The following GLIS3 variants were observed in gnomAD, a reference collection of about 807,000 sequenced individuals.
GLIS3 encodes the protein zinc finger protein GLIS3.
Under a neutral mutation model 78.6 loss-of-function variants are expected in GLIS3, and 53 were observed. The ratio of observed to expected loss-of-function variants is 0.67; its 90% CI spans 0.54 to 0.85. GLIS3 has a LOEUF of 0.85. Ranked by LOEUF, GLIS3 falls within the 40% of genes least tolerant of loss-of-function variation. The pLI, the probability that GLIS3 is intolerant of heterozygous loss-of-function variation, is 0.00. For synonymous variants in GLIS3, 684 were observed against 509.9 expected, an observed-to-expected ratio of 1.34 and a Z score of -4.60; for missense variants, 1,703 against 1,231.1, an observed-to-expected ratio of 1.38 and a Z score of -5.74.
chr9:3,979,991 G>A (rs1819122763), intron 4 of GLIS3, among the ~76,000 whole-genome samples: 1 of 152,090 alleles, frequency 6.6e-6, no homozygotes, highest in African/African-American at 2.4e-5. Context: ...AAGAGAGGGT[G>A]GGGTGGACTT....
chr9:4,204,456 G>T (rs1167121692), intron 2 of GLIS3, among the ~76,000 whole-genome samples: 2 of 152,124 alleles, frequency 1.3e-5, no homozygotes, highest in Non-Finnish European at 2.9e-5. Flanking sequence ...AAAAAAGCAA[G>T]GGGAGGAAGA....
chr9:3,990,664 C>T (rs147179743), intron 4 of GLIS3, among the ~76,000 whole-genome samples: 476 of 152,210 alleles, frequency 3.1e-3, no homozygotes, highest in South Asian at 9.7e-3. Context: ...TTGCCTTCTA[C>T]TATACAGAAG....
chr9:4,333,348 GGGAA>G (rs1432059136), intron 2 of GLIS3, among the ~76,000 whole-genome samples: 3 of 151,348 alleles, frequency 2.0e-5, no homozygotes, highest in Non-Finnish European at 2.9e-5. Flanking sequence ...AAAGAAAAAA[GGGAA>G]GGAAGGAAGG....
chr9:4,410,595 A>T, the GLIS3 span, among the ~76,000 whole-genome samples: 1 of 152,248 alleles, frequency 6.6e-6, no homozygotes, highest in South Asian at 2.1e-4. Flanking sequence ...GCTTTGATCC[A>T]GCACAAAGTT....
intron 4 of GLIS3, among the ~76,000 whole-genome samples, chr9:4,040,976 C>T (rs1391240228): frequency 6.6e-6 from 1 of 152,134 alleles, no homozygotes; most frequent in Admixed American, 6.5e-5. Flanking sequence ...ATTTCTTTCT[C>T]AACATTCTAA....
intron 2 of GLIS3, among the ~76,000 whole-genome samples, chr9:4,235,983 T>C (rs1822697982): frequency 1.3e-5 from 2 of 152,040 alleles, no homozygotes; most frequent in Admixed American, 6.5e-5. Flanking sequence ...ATTCTGAGTA[T>C]GGCTCAAGCT....
At chr9:4,112,690 TA>T in intron 4 of GLIS3, among the ~76,000 whole-genome samples, 1 of 152,236 alleles carries the variant, frequency 6.6e-6, no homozygotes, top group Admixed American at 6.5e-5. Flanking sequence ...TGTTCTCATC[TA>T]AAAAAATGAT....
chr9:3,846,243 A>T (rs768767606), intron 9 of GLIS3, among the ~76,000 whole-genome samples: 2 of 152,172 alleles, frequency 1.3e-5, no homozygotes, highest in Non-Finnish European at 2.9e-5. Flanking sequence ...AAGTAACTAA[A>T]AATTTCCATA....
At chr9:4,314,618 A>G (rs1010275525) in intron 2 of GLIS3, among the ~76,000 whole-genome samples, 1 of 152,244 alleles carries the variant, frequency 6.6e-6, no homozygotes, top group Non-Finnish European at 1.5e-5. Flanking sequence ...GGAATCTTTC[A>G]TATCTTCTCT....
chr9:4,064,400 T>C (rs1022341795), intron 4 of GLIS3, among the ~76,000 whole-genome samples: 14 of 152,218 alleles, frequency 9.2e-5, no homozygotes, highest in African/African-American at 3.4e-4. Context: ...TTAAAGCTTT[T>C]ATACAACAAA....
At chr9:3,941,780 C>G (rs1051497921) in intron 4 of GLIS3, among the ~76,000 whole-genome samples, 1 of 152,172 alleles carries the variant, frequency 6.6e-6, no homozygotes, top group Non-Finnish European at 1.5e-5. Context: ...TTTCAAGTAA[C>G]AAACTTTAAT....
intron 2 of GLIS3, among the ~76,000 whole-genome samples, chr9:4,337,583 G>T (rs1199254467): frequency 6.6e-6 from 1 of 151,952 alleles, no homozygotes; most frequent in East Asian, 1.9e-4. Context: ...AAAGCTTCAG[G>T]CTCCTTCCGG....
chr9:4,177,501 A>C (rs1431393342), intron 2 of GLIS3, among the ~76,000 whole-genome samples: 1 of 152,200 alleles, frequency 6.6e-6, no homozygotes, highest in African/African-American at 2.4e-5. Flanking sequence ...CTGGAGCTGA[A>C]GCAAGATACC....
At chr9:4,426,634 C>T in the GLIS3 span, among the ~76,000 whole-genome samples, 1 of 152,234 alleles carries the variant, frequency 6.6e-6, no homozygotes, top group Non-Finnish European at 1.5e-5. Context: ...ATATCACCAT[C>T]CATCATGGAT....
chr9:4,226,797 A>G (rs780155318), intron 2 of GLIS3, among the ~76,000 whole-genome samples: 3 of 152,210 alleles, frequency 2.0e-5, no homozygotes, highest in African/African-American at 4.8e-5. Context: ...GCTGTTGGTG[A>G]GGACGAAAAA....
intron 2 of GLIS3, among the ~76,000 whole-genome samples, chr9:4,161,516 T>G (rs2131084542): frequency 6.6e-6 from 1 of 152,196 alleles, no homozygotes; most frequent in South Asian, 2.1e-4. Flanking sequence ...CAGTGTCTAC[T>G]TGTCTCTCTC....
intron 2 of GLIS3, among the ~76,000 whole-genome samples, chr9:4,318,904 C>T (rs1332893282): frequency 6.6e-6 from 1 of 152,186 alleles, no homozygotes; most frequent in Non-Finnish European, 1.5e-5. Flanking sequence ...ATCAAAGTGA[C>T]ATCATGTGCC....
the GLIS3 span, among the ~76,000 whole-genome samples, chr9:4,353,750 C>G: frequency 6.6e-6 from 1 of 152,176 alleles, no homozygotes; most frequent in Non-Finnish European, 1.5e-5. Context: ...GCCTCCTTAT[C>G]CGCTGCACAA....
intron 4 of GLIS3, among the ~76,000 whole-genome samples, chr9:4,088,741 A>G (rs1275203884): frequency 6.6e-6 from 1 of 152,332 alleles, no homozygotes; most frequent in East Asian, 1.9e-4. Flanking sequence ...ATTCCTTGTA[A>G]ATTTTAGTGC....
Sources: gnomAD v4.1 joint callset for allele counts (sites outside exome capture counted in the v4.1 genomes callset) on GRCh38, gnomAD v4.1.1 for gene constraint, MANE v1.5 for transcripts, NCBI Gene and HGNC (gene_info 2026-07-23, HGNC 2026-07-21) for gene names.